KCNH5: variants seen among roughly 807,000 people sequenced by gnomAD.
KCNH5 encodes the protein potassium voltage-gated channel subfamily H member 5, also known as voltage-gated delayed rectifier potassium channel KCNH5.
A neutral mutation model predicts 96.1 loss-of-function variants in KCNH5; 46 were observed. That is an observed-to-expected ratio of 0.48 (90% CI 0.38 to 0.61). KCNH5 has a LOEUF of 0.61. KCNH5 is among the 20% of genes least tolerant of loss of function. The pLI is 0.00. For synonymous variants in KCNH5, 439 were observed against 449.8 expected (o/e 0.98, Z 0.30); for missense variants, 907 against 1,225.8 (o/e 0.74, Z 3.88).
At chr14:63,040,037 A>G (rs1186691750) in intron 1 of KCNH5, among the ~76,000 whole-genome samples, 6 of 152,042 alleles carry the variant, frequency 3.9e-5, no homozygotes, top group African/African-American at 1.4e-4. Context: ...CCTAGGCTAC[A>G]CTCTGGAGAA....
intron 9 of KCNH5, among the ~76,000 whole-genome samples, chr14:62,799,975 G>A (rs1183370584): frequency 1.3e-5 from 2 of 149,506 alleles, no homozygotes. Flanking sequence ...AGAAAGAAAA[G>A]GAGGAGGAGG....
In KCNH5 at chr14:62,991,903, A is replaced by C. The variant is rs181567988; in HGVS notation, c.434-4716T>G. Among the ~76,000 whole-genome samples the C allele has an allele frequency of 4.6e-4, 70 of 152,158 alleles. 1 individual carries two copies. The highest frequency in any genetic ancestry group is 1.5e-3 in the South Asian group (7 of 4,824). The stretch of plus-strand genomic sequence containing the variant: ...TACATGTATCAATTGTATAATGGTC[A>C]GGGCTTTTAGGGTAACTGTGACCTG... On this transcript the variant is annotated intron_variant, in intron 4 of 10. Coordinates refer to ENST00000322893, the MANE Select transcript of KCNH5 (RefSeq NM_139318.5).
At chr14:62,866,497 A>G (rs1457313976) in intron 7 of KCNH5, among the ~76,000 whole-genome samples, 1 of 152,204 alleles carries the variant, frequency 6.6e-6, no homozygotes, top group Non-Finnish European at 1.5e-5. Flanking sequence ...GAATAAAGCC[A>G]TATCAAGTTC....
chr14:62,961,356 C>G (rs915015972), intron 6 of KCNH5, among the ~76,000 whole-genome samples: 20 of 152,134 alleles, frequency 1.3e-4, no homozygotes, highest in African/African-American at 4.6e-4. Flanking sequence ...AACAATCTCC[C>G]TACCCACCAA....
chr14:62,818,116 G>A (rs867907274), intron 8 of KCNH5, among the ~76,000 whole-genome samples: 24 of 120,426 alleles, frequency 2.0e-4, no homozygotes, highest in African/African-American at 5.5e-4. Context: ...GGGCGGGGGG[G>A]GGGTGGAAGA....
At chr14:62,907,721 G>A (rs1335883073) in intron 7 of KCNH5, among the ~76,000 whole-genome samples, 1 of 152,156 alleles carries the variant, frequency 6.6e-6, no homozygotes, top group African/African-American at 2.4e-5. Context: ...CATTCCCTGT[G>A]CACTCATGGC....
intron 3 of KCNH5, among the ~76,000 whole-genome samples, chr14:63,003,289 T>C (rs1275706727): frequency 6.7e-6 from 1 of 150,046 alleles, no homozygotes; most frequent in Non-Finnish European, 1.5e-5. Context: ...AGATCCTTCA[T>C]ATTCTGGATT....
At chr14:62,721,922 T>C (rs1283565416) in intron 10 of KCNH5, among the ~76,000 whole-genome samples, 1 of 152,222 alleles carries the variant, frequency 6.6e-6, no homozygotes, top group Non-Finnish European at 1.5e-5. Context: ...CTTACCTGTT[T>C]CTACTCCTGC....
chr14:62,875,478 T>C (rs1385090710), intron 7 of KCNH5, among the ~76,000 whole-genome samples: 2 of 152,138 alleles, frequency 1.3e-5, no homozygotes, highest in African/African-American at 2.4e-5. Context: ...AGCATGGTAC[T>C]GGTACCAAAA....
At chr14:62,795,562 G>C (rs540599843) in intron 9 of KCNH5, among the ~76,000 whole-genome samples, 9 of 152,076 alleles carry the variant, frequency 5.9e-5, no homozygotes, top group African/African-American at 9.7e-5. Context: ...ACCATTTTAC[G>C]TAAGGGACTT....
intron 7 of KCNH5, among the ~76,000 whole-genome samples, chr14:62,945,427 C>T (rs950302872): frequency 1.3e-5 from 2 of 152,122 alleles, no homozygotes; most frequent in Non-Finnish European, 2.9e-5. Context: ...GATTCAAGGA[C>T]AGAAGATCTT....
chr14:62,985,070 G>A (rs1436381091), intron 5 of KCNH5, among the ~76,000 whole-genome samples: 1 of 152,066 alleles, frequency 6.6e-6, no homozygotes, highest in Admixed American at 6.5e-5. Context: ...AAAGAAACAG[G>A]CAACTTTAGG....
intron 8 of KCNH5, among the ~76,000 whole-genome samples, chr14:62,827,591 G>T (rs927395795): frequency 2.6e-5 from 4 of 152,134 alleles, no homozygotes; most frequent in Non-Finnish European, 5.9e-5. Context: ...TCTAAAAAAT[G>T]TTGCTCTATT....
chr14:62,842,613 T>C (rs1450430934), intron 8 of KCNH5, among the ~76,000 whole-genome samples: 1 of 152,222 alleles, frequency 6.6e-6, no homozygotes, highest in African/African-American at 2.4e-5. Flanking sequence ...AGTTTCTTAA[T>C]AGCGTCTCTT....
intron 1 of KCNH5, 30 bp downstream of exon 1, chr14:63,045,084 G>C: frequency 6.4e-7 from 1 of 1,560,734 alleles, no homozygotes; most frequent in East Asian, 2.2e-5. Flanking sequence ...GGATGGAGGT[G>C]GGGGTGTTCT....
At chr14:62,773,795 T>A (rs1294797541) in intron 10 of KCNH5, among the ~76,000 whole-genome samples, 1 of 152,224 alleles carries the variant, frequency 6.6e-6, no homozygotes. Flanking sequence ...GGAAATGAAA[T>A]TCGCTTGACT....
intron 10 of KCNH5, among the ~76,000 whole-genome samples, chr14:62,742,338 C>T (rs1885287630): frequency 6.6e-6 from 1 of 152,118 alleles, no homozygotes; most frequent in South Asian, 2.1e-4. Context: ...TTCAGTTAAA[C>T]TTTCATAACA....
intron 9 of KCNH5, among the ~76,000 whole-genome samples, chr14:62,782,165 T>TGA (rs781564213): frequency 6.6e-6 from 1 of 151,852 alleles, no homozygotes; most frequent in African/African-American, 2.4e-5. Context: ...ACCACAGAAA[T>TGA]GAGAGAGAGA....
At chr14:62,844,257 A>C (rs1887647358) in intron 8 of KCNH5, among the ~76,000 whole-genome samples, 1 of 152,176 alleles carries the variant, frequency 6.6e-6, no homozygotes, top group Admixed American at 6.5e-5. Context: ...AGATATTGGA[A>C]AATACAAAAG....
Sources: gnomAD v4.1 joint callset for allele counts (sites outside exome capture counted in the v4.1 genomes callset) on GRCh38, gnomAD v4.1.1 for gene constraint, MANE v1.5 for transcripts, NCBI Gene and HGNC (gene_info 2026-07-23, HGNC 2026-07-21) for gene names.